Variants in SFRP4 observed in about 807,000 individuals in gnomAD.
The protein encoded by SFRP4 is secreted frizzled-related protein 4.
Under a neutral mutation model 36.3 loss-of-function variants are expected in SFRP4, and 25 were observed. The observed-to-expected ratio is 0.69, with a 90% CI of 0.50 to 0.96. The LOEUF (loss-of-function observed/expected upper bound fraction) is 0.96. Ranked by LOEUF, SFRP4 falls within the 40% of genes least tolerant of loss-of-function variation. SFRP4 has a pLI of 0.00. For missense variants in SFRP4, 487 were observed against 459.6 expected (o/e 1.06, Z -0.54); for synonymous variants, 182 against 168.8 (o/e 1.08, Z -0.60).
intron 4 of SFRP4, among the ~76,000 whole-genome samples, chr7:37,910,149 T>C (rs544475067): frequency 3.3e-5 from 5 of 152,106 alleles, no homozygotes; most frequent in Non-Finnish European, 5.9e-5. Flanking sequence ...TTAAAGGGTA[T>C]GTATTTTTTA....
At chr7:37,915,057 C>T (rs1785551731) in intron 1 of SFRP4, among the ~76,000 whole-genome samples, 1 of 152,114 alleles carries the variant, frequency 6.6e-6, no homozygotes, top group South Asian at 2.1e-4. Context: ...CTGGATAAAT[C>T]ACATCACTCT....
chr7:37,913,615 C>T (rs759208350), intron 3 of SFRP4, among the ~76,000 whole-genome samples: 4 of 152,194 alleles, frequency 2.6e-5, no homozygotes, highest in Non-Finnish European at 4.4e-5. Context: ...TCATGACTGA[C>T]TTATTCATGG....
Position 37,907,671 on chromosome 7 carries a change from A to G in SFRP4, c.856-7T>C. The G allele has an allele frequency of 6.3e-7, 1 of 1,599,842 alleles. No individual in the cohort carries two copies. The highest frequency in any genetic ancestry group is 8.5e-7 in the Non-Finnish European group (1 of 1,173,400). On this transcript the variant is annotated splice_polypyrimidine_tract_variant and splice_region_variant and intron_variant, in intron 5 of 5. Transcript: ENST00000436072. The stretch of plus-strand genomic sequence containing the variant: ...GCAGCCTCTCTTCCCACTGCTGAAA[A>G]GCAATTTGTAAACATGACTGTCAAA...
chr7:37,909,956 ATAATGT>A, intron 4 of SFRP4: 1 of 219,154 alleles, frequency 4.6e-6, no homozygotes, highest in South Asian at 9.3e-5. Context: ...ATTTAAAAAT[ATAATGT>A]TAATAATATA....
rs758847760 is a variant in SFRP4 at position 37,916,178 on chromosome 7, G to A, written c.360C>T (p.Pro120=). 6 of 1,614,174 alleles carry A rather than the reference G, an allele frequency of 3.7e-6. No homozygotes were observed. The highest frequency in any genetic ancestry group is 5.1e-6 in the Non-Finnish European group (6 of 1,180,038). ...PLMKMYNHSW[P]ESLACDELPV... ...GCAGCTCGTCGCAGGCCAGGCTTTC[G>A]GGCCAGCTGTGGTTGTACATCTTCA... Residue 120 remains proline (P), a synonymous_variant, in exon 1 of 6, where the codon CCC becomes CCT. Transcript: ENST00000436072. The surrounding 1 kb of genome is among the most constrained non-coding windows in gnomAD (Gnocchi z 4.1).
chr7:37,914,167 TAATG>T lies in SFRP4; in HGVS notation c.592+42_592+45del, dbSNP rs1443047223. 3 of 1,438,046 alleles carry T rather than the reference TAATG, an allele frequency of 2.1e-6. No homozygotes were observed. The South Asian group carries it at 3.5e-5, about 17-fold the overall frequency. The allele number at this position is 1,438,046 out of a possible 1,614,324, so 89.1% of individuals were successfully genotyped here. A position where few individuals can be genotyped will look rare whatever the true frequency, so the allele number is the denominator to read the frequency against. The stretch of plus-strand genomic sequence containing the variant: ...CGACCTTATTGAGATTCCAGCTTTG[TAATG>T]AACCAAGTCTCAAAAGTAAATGGCT... On this transcript the variant is annotated intron_variant, in intron 3 of 5. Transcript: ENST00000436072.
In SFRP4 at chr7:37,912,208, T is replaced by C; in HGVS notation, c.702A>G (p.Gln234=). The C allele has an allele frequency of 6.2e-7, 1 of 1,614,176 alleles. No homozygotes were observed. Reference sequence around the variant, plus strand: ...AAGAAGAATTTGTAATGAGCGGGACTTGAGTTCGAGGGATGGGTGATGAGG... The same window carrying C: ...AAGAAGAATTTGTAATGAGCGGGACCTGAGTTCGAGGGATGGGTGATGAGG... The part of the protein sequence containing the change: ...FKSSSPIPRT[Q]VPLITNSSCQ... Residue 234 remains glutamine, a synonymous_variant, in exon 4 of 6, where the codon CAA becomes CAG. Coordinates refer to ENST00000436072, the MANE Select transcript of SFRP4 (RefSeq NM_003014.4).
At chr7:37,914,146 C>A in intron 3 of SFRP4, 67 bp downstream of exon 3, 7 of 1,245,440 alleles carry the variant, frequency 5.6e-6, no homozygotes, top group Non-Finnish European at 7.1e-6. Flanking sequence ...TGAGAGCGAC[C>A]TTATTGAGAT....
intron 5 of SFRP4, among the ~76,000 whole-genome samples, chr7:37,908,266 T>A (rs1785429833): frequency 6.6e-6 from 1 of 152,178 alleles, no homozygotes; most frequent in African/African-American, 2.4e-5. Flanking sequence ...GTTTCTCTGA[T>A]AGAAAAAAAT....
rs1167231099 is a variant in SFRP4, at chr7:37,907,036, G to A, written c.*443C>T. ...TCCTTCTTAGAAGCATTATATTTTCGATCACATTTTAAAACATCACTAACA... is the reference window on the plus strand; with the variant it reads ...TCCTTCTTAGAAGCATTATATTTTCAATCACATTTTAAAACATCACTAACA... On this transcript the variant is annotated 3_prime_UTR_variant, in exon 6 of 6. Transcript: ENST00000436072. The A allele has an allele frequency of 2.6e-5, 4 of 152,410 alleles. No homozygotes were observed. Among genetic ancestry groups the A allele is most frequent in the Admixed American group, 2.6e-4 (4 of 15,280 alleles). 9.4% of individuals were successfully genotyped at this position (152,410 alleles called of 1,614,324 possible).
intron 3 of SFRP4, among the ~76,000 whole-genome samples, chr7:37,912,551 A>G (rs1785512263): frequency 6.6e-6 from 1 of 152,234 alleles, no homozygotes; most frequent in Non-Finnish European, 1.5e-5. Context: ...ATAGGAAAGC[A>G]AGCTGAAAAG....
Position 37,907,395 on chromosome 7 carries a change from A to C in SFRP4, c.*84T>G. On this transcript the variant is annotated 3_prime_UTR_variant, in exon 6 of 6. Coordinates refer to ENST00000436072, the MANE Select transcript of SFRP4 (RefSeq NM_003014.4). ...AGTGAGTTGTTAGGGCAAGGGGCAC[A>C]TGGCCTTACATAGGCTGTCCCAGGC... 3 of 1,178,664 alleles carry C rather than the reference A, an allele frequency of 2.5e-6. No homozygotes were observed. Among genetic ancestry groups the C allele is most frequent in the Non-Finnish European group, 3.6e-6 (3 of 824,256 alleles). The allele number at this position is 1,178,664 out of a possible 1,614,324, so 73.0% of individuals were successfully genotyped here.
At position 37,909,624 on chromosome 7, in the gene SFRP4, CT is replaced by C; in HGVS notation, c.847del (p.Arg283AspfsTer98). ...ATTGTTCATGATACTTACTATGGAT[CT>C]TTTACTAAGCTGATCTCTCCATTTT... is the stretch of plus-strand genomic sequence containing the variant. ...VEKWRDQLSKRSIQWEERLQE... is the reference protein window; with the variant it reads ...VEKWRDQLSKXSIQWEERLQE... On this transcript the variant is annotated frameshift_variant, in exon 5 of 6. Transcript: ENST00000436072. LOFTEE classifies it high-confidence loss of function. The C allele has an allele frequency of 6.4e-7, 1 of 1,562,752 alleles. No homozygotes were observed. Among genetic ancestry groups the C allele is most frequent in the Non-Finnish European group, 8.7e-7 (1 of 1,150,552 alleles).
chr7:37,911,724 T>C (rs998811096), intron 4 of SFRP4, among the ~76,000 whole-genome samples: 32 of 152,194 alleles, frequency 2.1e-4, no homozygotes, highest in African/African-American at 7.7e-4. Context: ...GGAAAATATG[T>C]GGAACTATAG....
At chr7:37,914,970 G>T (rs1785550551) in intron 1 of SFRP4, among the ~76,000 whole-genome samples, 1 of 152,174 alleles carries the variant, frequency 6.6e-6, no homozygotes, top group African/African-American at 2.4e-5. Flanking sequence ...GAAATCCTCT[G>T]GGGGAATATT....
chr7:37,911,917 A>ATACTCATATTTTGATTTTTCCTTCAT (rs70975065), intron 4 of SFRP4, among the ~76,000 whole-genome samples: 33,526 of 151,600 alleles, frequency 0.22, 3,727 homozygotes, highest in Non-Finnish European at 0.24. Flanking sequence ...CTCTATTCAA[A>ATACTCATATTTTGATTTTTCCTTCAT]TACTCATATT....
At position 37,914,259 on chromosome 7, in the gene SFRP4, CT is replaced by C. The variant is rs773977937; in HGVS notation, c.545del (p.Lys182ArgfsTer2). ...GATACGTTGCCAAAGTTGGCTTCAC[CT>C]TTTTACACTTGCACCGATCTAAAAA... ...RLSPDRCKCK[K>X]VKPTLATYLS... is the part of the protein sequence containing the mutation. On this transcript the variant is annotated frameshift_variant, in exon 3 of 6. Transcript: ENST00000436072. LOFTEE classifies it high-confidence loss of function. 3 of 1,614,060 alleles carry C rather than the reference CT, an allele frequency of 1.9e-6. No homozygotes were observed. The South Asian group carries it at 3.3e-5, about 18-fold the overall frequency.
intron 5 of SFRP4, among the ~76,000 whole-genome samples, chr7:37,908,811 C>T (rs941316583): frequency 6.6e-6 from 1 of 152,194 alleles, no homozygotes; most frequent in Admixed American, 6.5e-5. Flanking sequence ...TTCTCTTATT[C>T]AGAAACGCAC....
In SFRP4 at chr7:37,916,140, C is replaced by T; in HGVS notation, c.398G>A (p.Arg133His). Residue 133 changes from arginine to histidine, a missense_variant, in exon 1 of 6, where the codon CGT becomes CAT. Coordinates refer to ENST00000436072, the MANE Select transcript of SFRP4 (RefSeq NM_003014.4). The surrounding 1 kb of genome is among the most constrained non-coding windows in gnomAD (Gnocchi z 4.1). ...LACDELPVYD[R>H]GVCISPEAIV... is the part of the protein sequence containing the mutation. ...GGCTTCAGGCGAGATGCACACGCCA[C>T]GGTCATAGACAGGCAGCTCGTCGCA... The T allele has an allele frequency of 6.2e-7, 1 of 1,614,080 alleles. No individual in the cohort carries two copies.
Sources: allele counts gnomAD v4.1 joint callset (sites outside exome capture counted in the v4.1 genomes callset), GRCh38; gene constraint gnomAD v4.1.1; non-coding constraint Gnocchi (gnomAD v3.1); transcripts MANE v1.5; gene names NCBI Gene and HGNC (gene_info 2026-07-23, HGNC 2026-07-21).